SVEP1: variants seen among roughly 807,000 people sequenced by gnomAD.
SVEP1 encodes sushi, von Willebrand factor type A, EGF and pentraxin domain-containing protein 1.
In SVEP1, 164 loss-of-function variants were observed where a neutral mutation model predicts 367.3. The ratio of observed to expected loss-of-function variants is 0.45; its 90% CI spans 0.39 to 0.51. The LOEUF is 0.51. SVEP1 is among the 20% of genes least tolerant of loss of function. The pLI is 0.00. For synonymous variants in SVEP1, 1,666 were observed against 1,611.6 expected, an observed-to-expected ratio of 1.03 and a Z score of -0.81; for missense variants, 4,117 against 4,425.3, an observed-to-expected ratio of 0.93 and a Z score of 1.98.
At chr9:110,528,156 G>GTGTGTGTGTATATATA in intron 3 of SVEP1, among the ~76,000 whole-genome samples, 129 of 33,942 alleles carry the variant, frequency 3.8e-3, no homozygotes, top group Non-Finnish European at 4.5e-3. Flanking sequence ...GTGTGTGTGT[G>GTGTGTGTGTATATATA]TATATATATA....
At chr9:110,499,344 C>T (rs917554545) in intron 6 of SVEP1, 106 bp from the exon 7 acceptor site, 33 of 1,012,546 alleles carry the variant, frequency 3.3e-5, no homozygotes, top group Middle Eastern at 6.2e-4. Context: ...TTAGGATTTA[C>T]GTAAATTGCT....
At chr9:110,390,814 G>C (rs766244983) in intron 40 of SVEP1, among the ~76,000 whole-genome samples, 2 of 151,984 alleles carry the variant, frequency 1.3e-5, no homozygotes, top group Non-Finnish European at 2.9e-5. Context: ...AAAAAATCCT[G>C]TCTGATGGAA....
rs747327149 is a variant in SVEP1, at chr9:110,436,348, C to T, written c.4764+32G>A. 49 of 1,612,960 alleles carry T rather than the reference C, an allele frequency of 3.0e-5. No individual in the cohort carries two copies. The South Asian group carries it at 5.2e-4, about 17-fold the overall frequency. On this transcript the variant is annotated intron_variant, in intron 28 of 47. Coordinates refer to ENST00000374469, the MANE Select transcript of SVEP1 (RefSeq NM_153366.4). ...TTACTAGGTTTGTACCTTTGCATCT[C>T]ATTACTGTCATACACTGAAAATGGA... is the stretch of plus-strand genomic sequence containing the variant.
chr9:110,454,061 T>C (rs976780800), intron 22 of SVEP1, among the ~76,000 whole-genome samples: 1 of 152,130 alleles, frequency 6.6e-6, no homozygotes, highest in East Asian at 1.9e-4. Context: ...AGGTTATTTG[T>C]ATTTTGCTTG....
At chr9:110,386,793 G>A (rs992429823) in intron 42 of SVEP1, among the ~76,000 whole-genome samples, 1 of 152,344 alleles carries the variant, frequency 6.6e-6, no homozygotes, top group Admixed American at 6.5e-5. Context: ...ACTACATTAT[G>A]ATGATACTTG....
At chr9:110,413,489 T>G (rs915129518) in intron 36 of SVEP1, among the ~76,000 whole-genome samples, 8 of 151,222 alleles carry the variant, frequency 5.3e-5, no homozygotes, top group Non-Finnish European at 1.0e-4. Context: ...CATGTATACA[T>G]ATGTAACTAA....
At chr9:110,453,268 T>C (rs1420389865) in intron 22 of SVEP1, among the ~76,000 whole-genome samples, 1 of 152,152 alleles carries the variant, frequency 6.6e-6, no homozygotes, top group East Asian at 1.9e-4. Flanking sequence ...GTACTCTCCA[T>C]AATAATATTA....
At chr9:110,394,174 T>A (rs888234030) in intron 40 of SVEP1, among the ~76,000 whole-genome samples, 1 of 151,670 alleles carries the variant, frequency 6.6e-6, no homozygotes, top group South Asian at 2.1e-4. Flanking sequence ...AGAGGAATGA[T>A]CAGGCAGCAG....
chr9:110,544,977 G>C (rs917094583), intron 3 of SVEP1, among the ~76,000 whole-genome samples: 2 of 151,986 alleles, frequency 1.3e-5, no homozygotes, highest in Admixed American at 6.6e-5. Flanking sequence ...AATTCTACGA[G>C]ATCAAATCTT....
intron 45 of SVEP1, 115 bp from the exon 46 acceptor site, chr9:110,375,578 C>T (rs770119052): frequency 8.5e-6 from 7 of 824,650 alleles, no homozygotes; most frequent in African/African-American, 1.7e-5. Flanking sequence ...AGGAGTGAAA[C>T]CTTATATGAC....
At chr9:110,528,156 G>GTGTGTGTGTGTATATATATA in intron 3 of SVEP1, among the ~76,000 whole-genome samples, 395 of 33,892 alleles carry the variant, frequency 0.012, 5 homozygotes, top group Non-Finnish European at 0.018. Flanking sequence ...GTGTGTGTGT[G>GTGTGTGTGTGTATATATATA]TATATATATA....
intron 9 of SVEP1, among the ~76,000 whole-genome samples, chr9:110,484,890 T>C (rs529107332): frequency 2.0e-5 from 3 of 152,278 alleles, no homozygotes; most frequent in South Asian, 4.1e-4. Context: ...TGAGATACCA[T>C]CTCACGTCAG....
chr9:110,574,156 G>A (rs1345401538), intron 1 of SVEP1, among the ~76,000 whole-genome samples: 2 of 152,206 alleles, frequency 1.3e-5, no homozygotes, highest in Non-Finnish European at 2.9e-5. Flanking sequence ...ATTTCATGTT[G>A]TTAAAGAAAA....
At chr9:110,568,243 A>G (rs780123129) in intron 1 of SVEP1, among the ~76,000 whole-genome samples, 3 of 152,206 alleles carry the variant, frequency 2.0e-5, no homozygotes, top group East Asian at 1.9e-4. Flanking sequence ...TTCTTCTTCC[A>G]TAAGTAGGCA....
chr9:110,403,299 T>TTG (rs1554712277), intron 39 of SVEP1, among the ~76,000 whole-genome samples: 1 of 120,768 alleles, frequency 8.3e-6, no homozygotes, highest in Non-Finnish European at 1.7e-5. Context: ...CACCGCCGTT[T>TTG]TTTTTTTTTT....
intron 45 of SVEP1, among the ~76,000 whole-genome samples, chr9:110,375,893 A>G (rs1236693214): frequency 6.7e-6 from 1 of 148,758 alleles, no homozygotes; most frequent in Admixed American, 6.6e-5. Flanking sequence ...AATGGGAATC[A>G]GATAGGCTGT....
In SVEP1 at chr9:110,563,277, C is replaced by T. The variant is rs189123758; in HGVS notation, c.532-13173G>A. Among the ~76,000 whole-genome samples the T allele has an allele frequency of 3.3e-3, 507 of 152,164 alleles. 3 individuals are homozygous for T. The highest frequency in any genetic ancestry group is 0.012 in the African/African-American group (487 of 41,530). On this transcript the variant is annotated intron_variant, in intron 1 of 47. Transcript: ENST00000374469. ...TTAAAAACAAAAATTACAGCATGTG[C>T]TTTTACTACATATGACATATAATTA...
intron 42 of SVEP1, among the ~76,000 whole-genome samples, chr9:110,386,835 C>T (rs145266610): frequency 3.3e-5 from 5 of 152,236 alleles, no homozygotes; most frequent in Admixed American, 6.5e-5. Context: ...TCAACTTCTA[C>T]GTTGCTTGTG....
At chr9:110,547,537 T>C (rs76112787) in intron 2 of SVEP1, among the ~76,000 whole-genome samples, 3,152 of 152,212 alleles carry the variant, frequency 0.021, 56 homozygotes, top group Non-Finnish European at 0.032. Flanking sequence ...ATCACACCAC[T>C]GCACTATATA....
Sources: allele counts gnomAD v4.1 joint callset (sites outside exome capture counted in the v4.1 genomes callset), GRCh38; gene constraint gnomAD v4.1.1; transcripts MANE v1.5; gene names NCBI Gene and HGNC (gene_info 2026-07-23, HGNC 2026-07-21).